CMSS1: variants seen among roughly 807,000 people sequenced by gnomAD.
CMSS1 encodes the protein cms1 ribosomal small subunit homolog, also known as protein CMSS1.
Under a neutral mutation model 43.5 loss-of-function variants are expected in CMSS1, and 33 were observed. The ratio of observed to expected loss-of-function variants is 0.76; its 90% CI spans 0.57 to 1.01. The LOEUF (loss-of-function observed/expected upper bound fraction) is 1.01, where lower values mean the gene tolerates loss of function less well. CMSS1 is among the 50% of genes least tolerant of loss of function. The pLI is 0.00. For missense variants in CMSS1, 313 were observed against 326.4 expected, an observed-to-expected ratio of 0.96 and a Z score of 0.32; for synonymous variants, 115 against 117.2, an observed-to-expected ratio of 0.98 and a Z score of 0.12.
chr3:100,081,872 T>TG (rs767401422), intron 1 of CMSS1, among the ~76,000 whole-genome samples: 4 of 152,222 alleles, frequency 2.6e-5, no homozygotes, highest in Non-Finnish European at 5.9e-5. Flanking sequence ...GCCTCTACCA[T>TG]GCCAGTAGCA....
intron 1 of CMSS1, among the ~76,000 whole-genome samples, chr3:100,064,601 GC>G (rs555241953): frequency 3.3e-5 from 5 of 152,140 alleles, no homozygotes; most frequent in Non-Finnish European, 5.9e-5. Context: ...AGGATAGAAG[GC>G]CCTGGAGCAG....
intron 1 of CMSS1, among the ~76,000 whole-genome samples, chr3:99,986,872 A>G (rs964528141): frequency 1.3e-5 from 2 of 152,200 alleles, no homozygotes; most frequent in African/African-American, 4.8e-5. Flanking sequence ...AAATGTCTAT[A>G]GTGCCAAGGT....
intron 1 of CMSS1, chr3:99,847,773 C>A: frequency 5.6e-6 from 1 of 179,768 alleles, no homozygotes; most frequent in Non-Finnish European, 1.1e-5. Flanking sequence ...CTTTTCTCTC[C>A]TCTAATATGT....
intron 1 of CMSS1, among the ~76,000 whole-genome samples, chr3:99,890,975 C>CA (rs1245641281): frequency 6.6e-6 from 1 of 151,968 alleles, no homozygotes; most frequent in Non-Finnish European, 1.5e-5. Flanking sequence ...TGCCAAATGC[C>CA]AAAGGGGTAT....
In CMSS1 at chr3:99,905,068, C is replaced by T. The variant is rs144733012; in HGVS notation, c.64+87025C>T. ...CCATGCCAGTTAACATAGTTGACTG[C>T]CTGGTGACTCCCACTGGTCTTTCCA... On this transcript the variant is annotated intron_variant, in intron 1 of 9. Coordinates refer to ENST00000421999, the MANE Select transcript of CMSS1 (RefSeq NM_032359.4). Among the ~76,000 whole-genome samples, 695 of 152,332 alleles carry T rather than the reference C, an allele frequency of 4.6e-3. 2 individuals are homozygous for T. Among genetic ancestry groups the T allele is most frequent in the South Asian group, 7.1e-3 (34 of 4,822 alleles).
intron 1 of CMSS1, among the ~76,000 whole-genome samples, chr3:100,019,770 A>C (rs1303767698): frequency 6.6e-6 from 1 of 152,214 alleles, no homozygotes; most frequent in Non-Finnish European, 1.5e-5. Flanking sequence ...TCAAACTATT[A>C]CAGCAAAATT....
intron 1 of CMSS1, among the ~76,000 whole-genome samples, chr3:100,028,283 T>C (rs1406751575): frequency 6.6e-6 from 1 of 152,190 alleles, no homozygotes; most frequent in African/African-American, 2.4e-5. Context: ...AGCTAACCTA[T>C]CAAACCCAGG....
At chr3:100,114,018 C>T (rs2066532407) in intron 1 of CMSS1, 1 of 152,178 alleles carries the variant, frequency 6.6e-6, no homozygotes, top group East Asian at 1.9e-4. Flanking sequence ...CATCCCAAAG[C>T]CTCTTCTCAG....
chr3:100,145,914 G>A (rs1306784903), intron 1 of CMSS1, among the ~76,000 whole-genome samples: 1 of 152,102 alleles, frequency 6.6e-6, no homozygotes, highest in Non-Finnish European at 1.5e-5. Flanking sequence ...CAAATATCGG[G>A]GCACCCCATG....
chr3:99,827,884 G>A (rs1477810757), intron 1 of CMSS1, among the ~76,000 whole-genome samples: 5 of 152,328 alleles, frequency 3.3e-5, no homozygotes, highest in East Asian at 1.9e-4. Context: ...GATTACAGGC[G>A]TGAGCCACCG....
intron 1 of CMSS1, among the ~76,000 whole-genome samples, chr3:99,964,983 AT>A (rs1652535841): frequency 6.6e-6 from 1 of 152,200 alleles, no homozygotes. Context: ...GATCCTTTTC[AT>A]TGTATTTCTT....
Position 99,828,650 on chromosome 3 carries a change from C to G in CMSS1, c.64+10607C>G, listed in dbSNP as rs9843919. 4.9e-3 allele frequency among the ~76,000 whole-genome samples: 727 copies of G among 147,028 alleles called. 6 individuals carry two copies. The highest frequency in any genetic ancestry group is 0.017 in the African/African-American group (686 of 39,812). On this transcript the variant is annotated intron_variant, in intron 1 of 9. Transcript: ENST00000421999. ...TTTTTTCTTTTCGGAGAGACAAGGT[C>G]TTGCCAAGTTGCCCAGACTGGTCTT... is the stretch of plus-strand genomic sequence containing the variant.
At chr3:100,117,825 G>GTATATATA (rs1166983737) in intron 1 of CMSS1, among the ~76,000 whole-genome samples, 43 of 75,160 alleles carry the variant, frequency 5.7e-4, no homozygotes, top group East Asian at 1.7e-3. Flanking sequence ...ATAAACTGCA[G>GTATATATA]TATATATATA....
intron 1 of CMSS1, among the ~76,000 whole-genome samples, chr3:99,971,153 T>C (rs55772135): frequency 0.065 from 9,916 of 152,174 alleles, 427 homozygotes; most frequent in South Asian, 0.1. Flanking sequence ...CTGGCTAACA[T>C]GGTGAAACCC....
chr3:100,019,056 G>T (rs964815582), intron 1 of CMSS1, among the ~76,000 whole-genome samples: 1 of 152,200 alleles, frequency 6.6e-6, no homozygotes, highest in African/African-American at 2.4e-5. Context: ...TGTTGGCAAA[G>T]TGTGAGGAAG....
intron 1 of CMSS1, among the ~76,000 whole-genome samples, chr3:100,058,531 A>G (rs1415986788): frequency 1.3e-5 from 2 of 152,174 alleles, no homozygotes; most frequent in Admixed American, 6.5e-5. Flanking sequence ...CACATCCCCA[A>G]TCTAAAGCTT....
At chr3:99,964,609 G>T (rs1029153767) in intron 1 of CMSS1, among the ~76,000 whole-genome samples, 1 of 152,014 alleles carries the variant, frequency 6.6e-6, no homozygotes, top group Non-Finnish European at 1.5e-5. Context: ...GATCTTCTCT[G>T]TGTGTCTAGG....
chr3:99,955,034 T>C (rs1708280055), intron 1 of CMSS1, among the ~76,000 whole-genome samples: 1 of 152,246 alleles, frequency 6.6e-6, no homozygotes, highest in African/African-American at 2.4e-5. Flanking sequence ...TAATGGTAAA[T>C]GAAAGGGTAT....
intron 1 of CMSS1, among the ~76,000 whole-genome samples, chr3:99,994,880 A>G (rs1283451472): frequency 8.5e-5 from 13 of 152,244 alleles, no homozygotes; most frequent in Admixed American, 3.3e-4. Flanking sequence ...TGCCTTCATG[A>G]TTCAAATTAT....
Sources: gnomAD v4.1 joint callset for allele counts (sites outside exome capture counted in the v4.1 genomes callset) on GRCh38, gnomAD v4.1.1 for gene constraint, MANE v1.5 for transcripts, NCBI Gene and HGNC (gene_info 2026-07-23, HGNC 2026-07-21) for gene names.